FAR1: variants seen among roughly 807,000 people sequenced by gnomAD.
The protein encoded by FAR1 is male sterility domain-containing protein 2.
FAR1 carries 22 observed loss-of-function variants against 61.1 expected under a neutral mutation model. That is an observed-to-expected ratio of 0.36 (90% CI 0.26 to 0.51). The LOEUF (loss-of-function observed/expected upper bound fraction) is 0.51. Among genes scored for constraint, FAR1 ranks in the 20% least tolerant of loss-of-function variants. The pLI is 0.95. For synonymous variants in FAR1, 206 were observed against 209.7 expected, an observed-to-expected ratio of 0.98 and a Z score of 0.15; for missense variants, 359 against 626.9, an observed-to-expected ratio of 0.57 and a Z score of 4.56.
At position 13,730,121 on chromosome 11, in the gene FAR1, A is replaced by T. The variant is rs115623710; in HGVS notation, c.*1347A>T. On this transcript the variant is annotated 3_prime_UTR_variant, in exon 12 of 12. Transcript: ENST00000354817. Reference sequence around the variant, plus strand: ...CAAATTGTTCAGCATAACACTTCTAATTAAGTTTATCAAGTTGTACTGTAT... The same window carrying T: ...CAAATTGTTCAGCATAACACTTCTATTTAAGTTTATCAAGTTGTACTGTAT... 1.3e-3 allele frequency: 205 copies of T among 152,558 alleles called. 1 individual carries two copies. Among genetic ancestry groups the T allele is most frequent in the African/African-American group, 4.6e-3 (193 of 41,574 alleles). The allele number at this position is 152,558 out of a possible 1,614,324, so 9.5% of individuals were successfully genotyped here.
intron 4 of FAR1, among the ~76,000 whole-genome samples, chr11:13,708,472 CACACAT>C (rs1232085846): frequency 5.8e-4 from 86 of 148,878 alleles, no homozygotes; most frequent in African/African-American, 1.6e-3. Context: ...CACACACACA[CACACAT>C]ACATTTATCT....
At chr11:13,700,288 G>T in intron 2 of FAR1, 29 bp from the exon 3 acceptor site, 3 of 1,522,170 alleles carry the variant, frequency 2.0e-6, no homozygotes, top group Non-Finnish European at 2.7e-6. Flanking sequence ...AAATACTGCT[G>T]TAAAATAAAT....
At position 13,717,491 on chromosome 11, in the gene FAR1, C is replaced by G. The variant is rs143498932; in HGVS notation, c.1127+2811C>G. Among the ~76,000 whole-genome samples, 64 of 152,242 alleles carry G rather than the reference C, an allele frequency of 4.2e-4. No individual in the cohort carries two copies. The East Asian group carries it at 0.011, about 27-fold the overall frequency. ...GTGTTGATGATTTCTTGATAAGGAG[C>G]TCAGTCTTATTCTCTGGGAGTTCTC... On this transcript the variant is annotated intron_variant, in intron 9 of 11. Coordinates refer to ENST00000354817, the MANE Select transcript of FAR1 (RefSeq NM_032228.6).
chr11:13,681,044 A>G (rs915104873), intron 1 of FAR1, among the ~76,000 whole-genome samples: 1 of 152,214 alleles, frequency 6.6e-6, no homozygotes, highest in Non-Finnish European at 1.5e-5. Context: ...TGTCAACTCC[A>G]GATGGTAATG....
chr11:13,679,197 C>G (rs1482457826), intron 1 of FAR1, among the ~76,000 whole-genome samples: 1 of 117,056 alleles, frequency 8.5e-6, no homozygotes, highest in Non-Finnish European at 1.9e-5. Flanking sequence ...ATTAGTATAT[C>G]TTTGTATATT....
chr11:13,712,910 A>T, intron 7 of FAR1, 56 bp from the exon 8 acceptor site: 1 of 1,400,120 alleles, frequency 7.1e-7, no homozygotes, highest in Non-Finnish European at 1.0e-6. Flanking sequence ...TAGGACTTAG[A>T]TTGGATATGT....
In FAR1 at chr11:13,708,101, A is replaced by G. The variant is rs753179166; in HGVS notation, c.545+22A>G. On this transcript the variant is annotated intron_variant, in intron 4 of 11. Transcript: ENST00000354817. ...TAGAGTATGTTTGTTTGAAATTTAT[A>G]TACATTTACTTTGATCCCAAAAGAG... 3.1e-5 allele frequency: 48 copies of G among 1,536,012 alleles called. No homozygotes were observed. In the Middle Eastern group the frequency reaches 2.5e-3, roughly 82 times the overall value.
In FAR1 at chr11:13,732,085, A is replaced by T. The variant is rs1848732908; in HGVS notation, c.*3311A>T. On this transcript the variant is annotated 3_prime_UTR_variant, in exon 12 of 12. Coordinates refer to ENST00000354817, the MANE Select transcript of FAR1 (RefSeq NM_032228.6). ...GAAACTAGAAAAAGGAATGTATGCCACGTAACTGGATTACAGAAATGAGTT... is the reference window on the plus strand; with the variant it reads ...GAAACTAGAAAAAGGAATGTATGCCTCGTAACTGGATTACAGAAATGAGTT... The T allele has an allele frequency of 6.6e-6, 1 of 152,028 alleles. No individual in the cohort carries two copies. The highest frequency in any genetic ancestry group is 1.5e-5 in the Non-Finnish European group (1 of 68,032). 9.4% of individuals were successfully genotyped at this position (152,028 alleles called of 1,614,324 possible).
chr11:13,699,229 T>TA (rs1222093258), intron 2 of FAR1, among the ~76,000 whole-genome samples: 3 of 152,212 alleles, frequency 2.0e-5, no homozygotes, highest in Non-Finnish European at 4.4e-5. Flanking sequence ...ACTTACCTGT[T>TA]ATTGCTTAAC....
chr11:13,681,262 A>C (rs1848123336), intron 1 of FAR1, among the ~76,000 whole-genome samples: 1 of 152,214 alleles, frequency 6.6e-6, no homozygotes, highest in African/African-American at 2.4e-5. Flanking sequence ...AGTAAGAAAC[A>C]ACTCTTCGTT....
intron 9 of FAR1, among the ~76,000 whole-genome samples, chr11:13,715,399 T>C (rs1195769924): frequency 6.6e-6 from 1 of 152,220 alleles, no homozygotes; most frequent in Non-Finnish European, 1.5e-5. Flanking sequence ...GTCATTGTTA[T>C]TATAAGCTGA....
intron 1 of FAR1, among the ~76,000 whole-genome samples, chr11:13,687,683 T>A (rs915234579): frequency 1.3e-5 from 2 of 152,182 alleles, no homozygotes; most frequent in African/African-American, 4.8e-5. Flanking sequence ...ATACATTTCT[T>A]TTCAAATTAG....
intron 2 of FAR1, among the ~76,000 whole-genome samples, chr11:13,695,480 GA>G (rs1246607949): frequency 6.6e-6 from 1 of 152,072 alleles, no homozygotes; most frequent in Non-Finnish European, 1.5e-5. Flanking sequence ...AGAAAAAATG[GA>G]AATGAGCTAG....
chr11:13,684,689 T>C (rs1848167529), intron 1 of FAR1, among the ~76,000 whole-genome samples: 1 of 152,190 alleles, frequency 6.6e-6, no homozygotes, highest in South Asian at 2.1e-4. Flanking sequence ...CTACCTTATT[T>C]AGGAAGGAGC....
intron 1 of FAR1, chr11:13,670,280 T>C (rs1847983170): frequency 6.6e-6 from 1 of 152,144 alleles, no homozygotes; most frequent in Admixed American, 6.5e-5. Flanking sequence ...ATTTTTGTTT[T>C]GTTTTGTTTT....
intron 2 of FAR1, among the ~76,000 whole-genome samples, chr11:13,698,468 C>T (rs1156665313): frequency 1.3e-5 from 2 of 152,082 alleles, no homozygotes; most frequent in African/African-American, 4.8e-5. Context: ...CAAGAGTGTC[C>T]TAAAACTCAT....
intron 10 of FAR1, among the ~76,000 whole-genome samples, chr11:13,726,119 A>T (rs550823676): frequency 3.3e-5 from 5 of 151,938 alleles, no homozygotes; most frequent in Admixed American, 1.3e-4. Flanking sequence ...TGTATCTGTT[A>T]TTGTTGTTAT....
intron 1 of FAR1, among the ~76,000 whole-genome samples, chr11:13,683,892 A>G (rs1848157643): frequency 6.6e-6 from 1 of 152,264 alleles, no homozygotes; most frequent in African/African-American, 2.4e-5. Context: ...CAGCTAAAAC[A>G]TGGAACTAAA....
chr11:13,726,485 G>A (rs1052249395), intron 10 of FAR1, among the ~76,000 whole-genome samples: 2 of 151,772 alleles, frequency 1.3e-5, no homozygotes, highest in Non-Finnish European at 1.5e-5. Flanking sequence ...TTTTCATTGC[G>A]TACTTAGAAA....
Sources: gnomAD v4.1 joint callset for allele counts (sites outside exome capture counted in the v4.1 genomes callset) on GRCh38, gnomAD v4.1.1 for gene constraint, MANE v1.5 for transcripts, NCBI Gene and HGNC (gene_info 2026-07-23, HGNC 2026-07-21) for gene names.